The following CFAP45 variants were observed in gnomAD, a reference collection of about 807,000 sequenced individuals.
CFAP45 encodes the protein cilia and flagella associated protein 45, also known as cilia- and flagella-associated protein 45.
Under a neutral mutation model 75.6 loss-of-function variants are expected in CFAP45, and 43 were observed. The ratio of observed to expected loss-of-function variants is 0.57; its 90% CI spans 0.45 to 0.73. CFAP45 has a LOEUF of 0.73. CFAP45 is among the 30% of genes least tolerant of loss of function. CFAP45 has a pLI of 0.00. For synonymous variants in CFAP45, 223 were observed against 244.6 expected, an observed-to-expected ratio of 0.91 and a Z score of 0.82; for missense variants, 689 against 701.5, an observed-to-expected ratio of 0.98 and a Z score of 0.20.
chr1:159,876,373 C>T, intron 10 of CFAP45, 183 bp downstream of exon 10: 1 of 607,310 alleles, frequency 1.6e-6, no homozygotes, highest in Non-Finnish European at 3.0e-6. Flanking sequence ...TCTCTAATCA[C>T]ATAATTCTTG....
At chr1:159,898,047 CT>C (rs1649991061) in intron 1 of CFAP45, 12 of 931,610 alleles carry the variant, frequency 1.3e-5, no homozygotes, top group Non-Finnish European at 1.5e-5. Flanking sequence ...AAAGATATGT[CT>C]TTTCCTAGAT....
intron 8 of CFAP45, among the ~76,000 whole-genome samples, chr1:159,878,893 G>A (rs12143103): frequency 6.6e-6 from 1 of 150,608 alleles, no homozygotes; most frequent in African/African-American, 2.4e-5. Flanking sequence ...CCCTGCCCTA[G>A]ATAACAGGAC....
At chr1:159,880,409 G>A (rs1649522031) in intron 8 of CFAP45, 145 bp downstream of exon 8, 2 of 711,680 alleles carry the variant, frequency 2.8e-6, no homozygotes, top group Non-Finnish European at 4.7e-6. Context: ...AAGAGACAAA[G>A]AAGCCAGGCC....
At chr1:159,890,397 G>T in intron 3 of CFAP45, 83 bp downstream of exon 3, 1 of 1,334,822 alleles carries the variant, frequency 7.5e-7, no homozygotes, top group Non-Finnish European at 1.1e-6. Context: ...AATGAAACCA[G>T]GTGGGTTTAC....
chr1:159,881,527 C>T (rs1233419576), intron 7 of CFAP45, among the ~76,000 whole-genome samples: 1 of 152,210 alleles, frequency 6.6e-6, no homozygotes, highest in Non-Finnish European at 1.5e-5. Context: ...GTCACACATC[C>T]TCTCTTCCCC....
rs375491975 is a variant in CFAP45 at position 159,884,511 on chromosome 1, C to T, written c.822G>A (p.Leu274=). 8.7e-6 allele frequency: 14 copies of T among 1,613,916 alleles called. No individual in the cohort carries two copies. The highest frequency in any genetic ancestry group is 1.2e-5 in the Non-Finnish European group (14 of 1,179,926). Residue 274 remains leucine, a synonymous_variant, in exon 7 of 12, where the codon CTG becomes CTA. Transcript: ENST00000368099. ...QMEKNQEERS[L]LAEQREQEKE... ...TCTCCTGCTCCCGCTGCTCAGCAAG[C>T]AGCGATCGCTCCTCCTGGTTCTTTT...
In CFAP45 at chr1:159,877,424, G is replaced by T. The variant is rs370571515; in HGVS notation, c.1083C>A (p.Ile361=). The T allele has an allele frequency of 6.2e-6, 10 of 1,613,990 alleles. No homozygotes were observed. In the African/African-American group the frequency reaches 1.3e-4, roughly 22 times the overall value. Residue 361 remains isoleucine (I), a synonymous_variant, in exon 9 of 12, where the codon ATC becomes ATA. Transcript: ENST00000368099. ...EAEFEAEQER[I]RREKEKEIAR... is the part of the protein sequence containing the mutation. The stretch of plus-strand genomic sequence containing the variant: ...CGATCTCCTTCTCTTTCTCCCTCCG[G>T]ATTCTCTCCTGCTCAGCCTCAAACT...
At chr1:159,879,348 A>G (rs1649492124) in intron 8 of CFAP45, among the ~76,000 whole-genome samples, 1 of 152,186 alleles carries the variant, frequency 6.6e-6, no homozygotes. Flanking sequence ...CACTTGGGAA[A>G]ATAGTGGTTG....
At chr1:159,880,767 G>T in intron 7 of CFAP45, 67 bp from the exon 8 acceptor site, 1 of 1,496,880 alleles carries the variant, frequency 6.7e-7, no homozygotes, top group Non-Finnish European at 9.2e-7. Flanking sequence ...GGCATCCAGG[G>T]ATAGAGAGAT....
intron 2 of CFAP45, among the ~76,000 whole-genome samples, chr1:159,892,335 C>T (rs911040666): frequency 6.6e-6 from 1 of 152,084 alleles, no homozygotes; most frequent in Non-Finnish European, 1.5e-5. Flanking sequence ...TGATCCTTTC[C>T]CTTACCAACA....
At chr1:159,880,531 G>C (rs1236329883) in intron 8 of CFAP45, 23 bp downstream of exon 8, 3 of 1,606,262 alleles carry the variant, frequency 1.9e-6, no homozygotes, top group South Asian at 1.1e-5. Context: ...CCTAACCAAA[G>C]GTCCCAGAAA....
At chr1:159,897,326 G>A (rs535963248) in intron 1 of CFAP45, among the ~76,000 whole-genome samples, 1 of 152,206 alleles carries the variant, frequency 6.6e-6, no homozygotes, top group South Asian at 2.1e-4. Flanking sequence ...GCTCACGCCT[G>A]TAATCCCAGC....
intron 8 of CFAP45, 57 bp downstream of exon 8, chr1:159,880,497 T>C: frequency 6.5e-7 from 1 of 1,529,910 alleles, no homozygotes; most frequent in South Asian, 1.2e-5. Flanking sequence ...CAGGCCCTCC[T>C]CTCCCTGTGA....
At chr1:159,879,173 C>A (rs888049054) in intron 8 of CFAP45, among the ~76,000 whole-genome samples, 2 of 152,204 alleles carry the variant, frequency 1.3e-5, no homozygotes, top group African/African-American at 4.8e-5. Flanking sequence ...TCATTCCACT[C>A]TTCCAGCTCC....
At chr1:159,879,836 G>T (rs1230063296) in intron 8 of CFAP45, among the ~76,000 whole-genome samples, 3 of 152,034 alleles carry the variant, frequency 2.0e-5, no homozygotes, top group African/African-American at 7.3e-5. Context: ...AACTAGCAGG[G>T]CAGACAAGAT....
intron 2 of CFAP45, among the ~76,000 whole-genome samples, chr1:159,892,619 A>G (rs539888848): frequency 2.6e-5 from 4 of 152,176 alleles, no homozygotes; most frequent in East Asian, 1.9e-4. Context: ...ACTAAACTCC[A>G]TATGTACCAA....
chr1:159,893,179 C>T lies in CFAP45; in HGVS notation c.129+1G>A. ...ACTTGAAAGGACTTGTTGAGGATTA[C>T]CTTGATATCTCCAAAGAGGCTCTCA... On this transcript the variant is annotated splice_donor_variant, in intron 2 of 11. Coordinates refer to ENST00000368099, the MANE Select transcript of CFAP45 (RefSeq NM_012337.3). LOFTEE classifies it high-confidence loss of function. The T allele has an allele frequency of 6.2e-7, 1 of 1,613,746 alleles. No individual in the cohort carries two copies. The highest frequency in any genetic ancestry group is 8.5e-7 in the Non-Finnish European group (1 of 1,179,744).
At chr1:159,878,166 A>G (rs1248271294) in intron 8 of CFAP45, among the ~76,000 whole-genome samples, 1 of 152,190 alleles carries the variant, frequency 6.6e-6, no homozygotes, top group East Asian at 1.9e-4. Context: ...TGTCATAGAC[A>G]ATTTTCAAGT....
rs144418075 is a variant in CFAP45 at position 159,880,649 on chromosome 1, G to A, written c.949C>T (p.Arg317Cys). The A allele has an allele frequency of 1.2e-4, 186 of 1,613,784 alleles. 2 individuals carry two copies. In the Middle Eastern group the frequency reaches 1.3e-3, roughly 11 times the overall value. The change falls in exon 8 of 12, where the codon CGC becomes TGC. Residue 317 changes from arginine to cysteine, a missense_variant. Physicochemically the swap from Arg to Cys is radical, Grantham distance 180. Transcript: ENST00000368099. ...TGTTTCTGGTTTTCATCATTGATGC[G>A]CTTAATCTCAGCTTGCATCTTCAGT... Reference protein sequence around the residue: ...QKLKMQAEIKRINDENQKQKA... With the variant: ...QKLKMQAEIKCINDENQKQKA...
Sources: gnomAD v4.1 joint callset for allele counts (sites outside exome capture counted in the v4.1 genomes callset) on GRCh38, gnomAD v4.1.1 for gene constraint, MANE v1.5 for transcripts, NCBI Gene and HGNC (gene_info 2026-07-23, HGNC 2026-07-21) for gene names.